Variants in SMC2 observed in about 807,000 individuals in gnomAD.
The protein encoded by SMC2 is structural maintenance of chromosomes protein 2.
SMC2 carries 41 observed loss-of-function variants against 142.6 expected under a neutral mutation model. That is an observed-to-expected ratio of 0.29 (90% CI 0.22 to 0.37). The LOEUF (loss-of-function observed/expected upper bound fraction) is 0.37, where lower values mean the gene tolerates loss of function less well. Among genes scored for constraint, SMC2 ranks in the 10% least tolerant of loss-of-function variants. SMC2 has a pLI of 1.00. For missense variants in SMC2, 1,265 were observed against 1,373.7 expected (o/e 0.92, Z 1.25); for synonymous variants, 463 against 457.5 (o/e 1.01, Z -0.15).
At chr9:104,095,184 C>T (rs1421850366) in intron 1 of SMC2, 140 bp from the exon 2 acceptor site, 4 of 503,692 alleles carry the variant, frequency 7.9e-6, no homozygotes, top group South Asian at 3.3e-5. Context: ...AGTAGATGAA[C>T]GATGTCTTTA....
intron 4 of SMC2, 33 bp downstream of exon 4, chr9:104,098,601 T>A (rs751120592): frequency 6.4e-7 from 1 of 1,566,004 alleles, no homozygotes; most frequent in East Asian, 2.3e-5. Context: ...ATCACTTTCG[T>A]AATAGTTTCG....
At chr9:104,101,838 C>G (rs906527808) in intron 7 of SMC2, 122 bp from the exon 8 acceptor site, 2 of 598,636 alleles carry the variant, frequency 3.3e-6, no homozygotes, top group African/African-American at 3.8e-5. Context: ...ATTTAAAATG[C>G]TATAATTGTT....
intron 24 of SMC2, 115 bp from the exon 25 acceptor site, chr9:104,139,024 A>G (rs574149380): frequency 4.7e-5 from 28 of 594,816 alleles, no homozygotes; most frequent in African/African-American, 3.9e-5. Context: ...GGTGCCTCAT[A>G]TAACTATTTA....
At chr9:104,093,363 A>C (rs889021541), upstream of SMC2, among the ~76,000 whole-genome samples, 2 of 152,180 alleles carry the variant, frequency 1.3e-5, no homozygotes, top group African/African-American at 4.8e-5. Flanking sequence ...CATGAAGCCT[A>C]GTATTTAAAA....
intron 10 of SMC2, among the ~76,000 whole-genome samples, chr9:104,112,846 T>TGTCA (rs1491206474): frequency 1.3e-5 from 2 of 152,184 alleles, no homozygotes; most frequent in South Asian, 2.1e-4. Flanking sequence ...TAAGTTTCTC[T>TGTCA]GTCAGTTTAG....
chr9:104,108,305 G>A (rs1832042248), intron 9 of SMC2, among the ~76,000 whole-genome samples: 1 of 152,094 alleles, frequency 6.6e-6, no homozygotes, highest in Non-Finnish European at 1.5e-5. Context: ...GTGGGGACCC[G>A]GAGACCTCGG....
intron 9 of SMC2, among the ~76,000 whole-genome samples, chr9:104,107,304 A>G (rs1831917431): frequency 6.6e-6 from 1 of 152,150 alleles, no homozygotes; most frequent in African/African-American, 2.4e-5. Flanking sequence ...TTACATTCCA[A>G]GAGTTATATC....
upstream of SMC2, among the ~76,000 whole-genome samples, chr9:104,091,326 ATGT>A (rs1284789308): frequency 1.3e-5 from 2 of 152,178 alleles, no homozygotes; most frequent in Non-Finnish European, 2.9e-5. Context: ...CTATAACACA[ATGT>A]TGTGTTTGTG....
rs755580234 is a variant in SMC2, at chr9:104,100,576, C to T, written c.636+143C>T. The T allele has an allele frequency of 2.7e-5, 15 of 562,472 alleles. No individual in the cohort carries two copies. The East Asian group carries it at 4.6e-4, about 17-fold the overall frequency. 34.8% of individuals were successfully genotyped at this position (562,472 alleles called of 1,614,324 possible). A position where few individuals can be genotyped will look rare whatever the true frequency, so the allele number is the denominator to read the frequency against. ...AGGAATTAGAGTTGGCACTCCATAA[C>T]TCAGCGTTCTGCTTACAGAGGATAT... On this transcript the variant is annotated intron_variant, in intron 7 of 24. Transcript: ENST00000374793.
intron 22 of SMC2, 75 bp from the exon 23 acceptor site, chr9:104,134,340 C>A: frequency 9.0e-7 from 1 of 1,110,826 alleles, no homozygotes; most frequent in Non-Finnish European, 1.3e-6. Context: ...TGCTGTGTTG[C>A]ATATACATAT....
chr9:104,115,389 A>T (rs1045944063), intron 13 of SMC2, among the ~76,000 whole-genome samples: 3 of 152,078 alleles, frequency 2.0e-5, no homozygotes, highest in Admixed American at 2.0e-4. Flanking sequence ...AGCCTCAGCA[A>T]CGTGGCAAAA....
At chr9:104,123,382 G>T (rs1042790277) in intron 17 of SMC2, 150 bp downstream of exon 17, 38 of 615,210 alleles carry the variant, frequency 6.2e-5, no homozygotes, top group Non-Finnish European at 8.9e-5. Context: ...AGGTCTTAGG[G>T]TATGGTCATT....
chr9:104,101,368 C>T (rs141312762), intron 7 of SMC2, among the ~76,000 whole-genome samples: 296 of 152,134 alleles, frequency 1.9e-3, no homozygotes, highest in Non-Finnish European at 2.4e-3. Context: ...CTTGAAGATA[C>T]CCTTTTTGTA....
At chr9:104,106,518 C>T (rs1386904799) in intron 9 of SMC2, among the ~76,000 whole-genome samples, 1 of 152,086 alleles carries the variant, frequency 6.6e-6, no homozygotes, top group African/African-American at 2.4e-5. Context: ...CTCAGCCTCC[C>T]AAGTAGTTGG....
Position 104,123,191 on chromosome 9 carries a change from A to G in SMC2, c.2216A>G (p.His739Arg), listed in dbSNP as rs753307179. 6.2e-7 allele frequency: 1 copy of G among 1,612,946 alleles called. No individual in the cohort carries two copies. Among genetic ancestry groups the G allele is most frequent in the East Asian group, 2.2e-5 (1 of 44,710 alleles). The change falls in exon 17 of 25, where the codon CAC becomes CGC. Residue 739 changes from histidine (H) to arginine (R), a missense_variant. His to Arg is a conservative substitution (Grantham distance 29). Around this residue, in one of 4 missense-constraint regions of SMC2, gnomAD observed 898 missense variants for 904.2 expected, o/e 0.99. Coordinates refer to ENST00000374793, the MANE Select transcript of SMC2 (RefSeq NM_006444.3). ...ACCAAGCTCCAGCAAAGCTCATATC[A>G]CAAGCAACAAGAAGAATTAGATGCC... ...LQTKLQQSSY[H>R]KQQEELDALK...
rs371859745 is a variant in SMC2, at chr9:104,134,426, C to G, written c.3120C>G (p.Asp1040Glu). The change falls in exon 23 of 25, where the codon GAC becomes GAG. Residue 1040 changes from aspartate (D) to glutamate (E), a missense_variant. Around this residue, in one of 4 missense-constraint regions of SMC2, gnomAD observed 192 missense variants for 261.9 expected, o/e 0.73. Coordinates refer to ENST00000374793, the MANE Select transcript of SMC2 (RefSeq NM_006444.3). Reference protein sequence around the residue: ...LNIAWQKVNKDFGSIFSTLLP... With the variant: ...LNIAWQKVNKEFGSIFSTLLP... ...TTTTTTAAATCCAGGTGAACAAGGACTTTGGGTCTATTTTTTCTACTCTTT... is the reference window on the plus strand; with the variant it reads ...TTTTTTAAATCCAGGTGAACAAGGAGTTTGGGTCTATTTTTTCTACTCTTT... The G allele has an allele frequency of 6.3e-7, 1 of 1,584,654 alleles. No individual in the cohort carries two copies. The highest frequency in any genetic ancestry group is 8.5e-7 in the Non-Finnish European group (1 of 1,169,860).
intron 18 of SMC2, among the ~76,000 whole-genome samples, chr9:104,126,116 G>A (rs1834238190): frequency 6.6e-6 from 1 of 152,112 alleles, no homozygotes. Flanking sequence ...TATTCCTTAT[G>A]AGAATCTAAT....
rs1359767539 is a variant in SMC2 at position 104,138,120 on chromosome 9, C to T, written c.3372C>T (p.Thr1124=). 6.2e-7 allele frequency: 1 copy of T among 1,608,780 alleles called. No homozygotes were observed. Among genetic ancestry groups the T allele is most frequent in the Admixed American group, 1.7e-5 (1 of 59,830 alleles). The part of the protein sequence containing the change: ...EVDAALDLSH[T]QNIGQMLRTH... ...ATGCAGCCTTGGATCTTTCTCATACCCAAAACATTGGACAGATGCTGCGTA... is the reference window on the plus strand; with the variant it reads ...ATGCAGCCTTGGATCTTTCTCATACTCAAAACATTGGACAGATGCTGCGTA... The change falls in exon 24 of 25, where the codon ACC becomes ACT. Residue 1124 remains threonine (T), a synonymous_variant. Transcript: ENST00000374793.
At chr9:104,107,028 A>G (rs754638640) in intron 9 of SMC2, among the ~76,000 whole-genome samples, 4 of 152,290 alleles carry the variant, frequency 2.6e-5, no homozygotes, top group South Asian at 2.1e-4. Context: ...GGAGAAGCCA[A>G]AGCATCCCCT....
Sources: gnomAD v4.1 joint callset for allele counts (sites outside exome capture counted in the v4.1 genomes callset) on GRCh38, gnomAD v4.1.1 for gene constraint, gnomAD v4.1.1 regional missense constraint, MANE v1.5 for transcripts, NCBI Gene and HGNC (gene_info 2026-07-23, HGNC 2026-07-21) for gene names.